Variants in TENM2 observed in about 807,000 individuals in gnomAD.
TENM2 encodes the protein teneurin transmembrane protein 2.
Under a neutral mutation model 245.2 loss-of-function variants are expected in TENM2, and 52 were observed. The ratio of observed to expected loss-of-function variants is 0.21; its 90% CI spans 0.17 to 0.27. The LOEUF (loss-of-function observed/expected upper bound fraction) is 0.27. Among genes scored for constraint, TENM2 ranks in the 10% least tolerant of loss-of-function variants. The pLI is 1.00. For synonymous variants in TENM2, 1,363 were observed against 1,438.9 expected (o/e 0.95, Z 1.19); for missense variants, 3,046 against 3,666.8 (o/e 0.83, Z 4.37).
intron 3 of TENM2, among the ~76,000 whole-genome samples, chr5:167,904,858 C>G (rs1044964848): frequency 1.6e-4 from 24 of 152,174 alleles, no homozygotes; most frequent in Admixed American, 1.6e-3. Context: ...ACCCTTCAGT[C>G]TTGGGCAAAA....
chr5:167,387,625 C>T (rs1242572434), intron 2 of TENM2, among the ~76,000 whole-genome samples: 1 of 152,028 alleles, frequency 6.6e-6, no homozygotes, highest in Admixed American at 6.6e-5. Context: ...TTCAACTTTT[C>T]CCCATTCAGT....
intron 2 of TENM2, among the ~76,000 whole-genome samples, chr5:167,764,433 G>A (rs1157037582): frequency 6.6e-6 from 1 of 152,138 alleles, no homozygotes. Flanking sequence ...TCCAAGGAGC[G>A]AGAAAGCCTG....
At chr5:167,955,285 A>G (rs191985037) in intron 4 of TENM2, among the ~76,000 whole-genome samples, 1 of 152,044 alleles carries the variant, frequency 6.6e-6, no homozygotes, top group East Asian at 1.9e-4. Flanking sequence ...GTGTCTGTTC[A>G]TATCCTTCAC....
intron 2 of TENM2, among the ~76,000 whole-genome samples, chr5:167,453,102 G>C (rs1765711425): frequency 6.6e-6 from 1 of 151,252 alleles, no homozygotes; most frequent in Non-Finnish European, 1.5e-5. Flanking sequence ...CAAGAAAAGT[G>C]GGGTGAGAAA....
At chr5:168,189,312 A>G (rs1045522593) in intron 13 of TENM2, among the ~76,000 whole-genome samples, 1 of 152,230 alleles carries the variant, frequency 6.6e-6, no homozygotes, top group African/African-American at 2.4e-5. Flanking sequence ...GAAGAGGCCA[A>G]CCTAAACTTG....
At chr5:167,370,824 G>A (rs1274272346) in intron 1 of TENM2, among the ~76,000 whole-genome samples, 2 of 152,180 alleles carry the variant, frequency 1.3e-5, no homozygotes, top group East Asian at 3.9e-4. Flanking sequence ...GAAGAATGAA[G>A]GGTTCACGGC....
intron 2 of TENM2, among the ~76,000 whole-genome samples, chr5:167,659,851 T>C (rs1016461474): frequency 1.3e-5 from 2 of 152,208 alleles, no homozygotes; most frequent in African/African-American, 4.8e-5. Flanking sequence ...CCATAATTAA[T>C]TTCAGAAGAA....
At chr5:167,681,839 T>C (rs953170850) in intron 2 of TENM2, among the ~76,000 whole-genome samples, 3 of 152,132 alleles carry the variant, frequency 2.0e-5, no homozygotes, top group Non-Finnish European at 4.4e-5. Flanking sequence ...ATTTTATATG[T>C]CTGGGTGACT....
rs1766358690 is a variant in TENM2 at position 168,244,334 on chromosome 5, GGCCATGCCA to G, written c.5521-79_5521-71del. Reference sequence around the variant, plus strand: ...TTCCTCCAGTGAACACTTAAGCCCTGGCCATGCCAGCCATGTCCTCCACAGAAGCCTGAG... The same window carrying G: ...TTCCTCCAGTGAACACTTAAGCCCTGGCCATGTCCTCCACAGAAGCCTGAG... On this transcript the variant is annotated intron_variant, in intron 25 of 28. Coordinates refer to ENST00000518659, the Ensembl canonical transcript of TENM2. This position sits in a 1 kb window ranked among gnomAD's most constrained non-coding sequence, Gnocchi z 4.9. 8.8e-7 allele frequency: 1 copy of G among 1,135,846 alleles called. No individual in the cohort carries two copies. The highest frequency in any genetic ancestry group is 1.6e-5 in the African/African-American group (1 of 62,980). 70.4% of individuals were successfully genotyped at this position (1,135,846 alleles called of 1,614,324 possible).
At chr5:167,321,025 A>C (rs1756682973) in intron 1 of TENM2, among the ~76,000 whole-genome samples, 1 of 152,212 alleles carries the variant, frequency 6.6e-6, no homozygotes, top group Non-Finnish European at 1.5e-5. Context: ...TCCTTAGGAT[A>C]AAAAGCCACT....
At chr5:168,176,949 A>G (rs561446295) in intron 13 of TENM2, among the ~76,000 whole-genome samples, 93 of 152,360 alleles carry the variant, frequency 6.1e-4, no homozygotes, top group African/African-American at 2.0e-3. Flanking sequence ...GCATGAAGAC[A>G]TGGTTGTACT....
intron 1 of TENM2, among the ~76,000 whole-genome samples, chr5:167,364,626 T>G (rs1759928300): frequency 6.6e-6 from 1 of 152,010 alleles, no homozygotes; most frequent in Non-Finnish European, 1.5e-5. Context: ...GAGTCACACG[T>G]TTATTGCTTA....
chr5:167,500,926 C>T (rs1562006353), intron 2 of TENM2, among the ~76,000 whole-genome samples: 1 of 152,120 alleles, frequency 6.6e-6, no homozygotes. Context: ...AGACTCACAA[C>T]TGCTCATTTT....
intron 2 of TENM2, among the ~76,000 whole-genome samples, chr5:167,424,727 T>C (rs1214207880): frequency 2.0e-5 from 3 of 152,118 alleles, no homozygotes; most frequent in African/African-American, 4.8e-5. Flanking sequence ...TTATATGAAA[T>C]TGGTATTTTA....
At chr5:167,586,974 G>A (rs549006717) in intron 2 of TENM2, among the ~76,000 whole-genome samples, 1 of 152,298 alleles carries the variant, frequency 6.6e-6, no homozygotes, top group African/African-American at 2.4e-5. Flanking sequence ...AGGGGGTGCA[G>A]CATCTTCAGT....
At chr5:167,334,991 G>A (rs1757672284) in intron 1 of TENM2, among the ~76,000 whole-genome samples, 1 of 152,142 alleles carries the variant, frequency 6.6e-6, no homozygotes, top group Admixed American at 6.5e-5. Flanking sequence ...AATAGGGCTT[G>A]ACTATTTTAT....
chr5:168,198,832 G>GCTCATTTA, intron 15 of TENM2, 21 bp from the exon 18 acceptor site: 1 of 1,608,876 alleles, frequency 6.2e-7, no homozygotes, highest in Non-Finnish European at 8.5e-7. Context: ...CCCCTCATCA[G>GCTCATTTA]CTCATTTACT....
At chr5:167,006,586 G>A in the TENM2 span, among the ~76,000 whole-genome samples, 1 of 152,004 alleles carries the variant, frequency 6.6e-6, no homozygotes, top group Non-Finnish European at 1.5e-5. Context: ...TGCATATGGG[G>A]GTATAGCTAT....
chr5:167,464,728 CTG>C (rs1386757935), intron 2 of TENM2, among the ~76,000 whole-genome samples: 1 of 152,044 alleles, frequency 6.6e-6, no homozygotes, highest in Admixed American at 6.6e-5. Context: ...ACAGGCCTGA[CTG>C]TATTAACTTA....
Sources: gnomAD v4.1 joint callset for allele counts (sites outside exome capture counted in the v4.1 genomes callset) on GRCh38, gnomAD v4.1.1 for gene constraint, Gnocchi (gnomAD v3.1) non-coding constraint, MANE v1.5 for transcripts, NCBI Gene and HGNC (gene_info 2026-07-23, HGNC 2026-07-21) for gene names.